AR: variants seen among roughly 807,000 people sequenced by gnomAD.
The protein encoded by AR is dihydrotestosterone receptor.
AR carries 8 observed loss-of-function variants against 53.9 expected under a neutral mutation model. The observed-to-expected ratio is 0.15, with a 90% CI of 0.09 to 0.27. The LOEUF is 0.27. AR is among the 10% of genes least tolerant of loss of function. The pLI, the probability that AR is intolerant of heterozygous loss-of-function variation, is 1.00. For synonymous variants in AR, 359 were observed against 316.4 expected (o/e 1.13, Z -1.43); for missense variants, 639 against 742.5 (o/e 0.86, Z 1.62).
intron 1 of AR, among the ~76,000 whole-genome samples, chrX:67,606,748 C>T (rs1486377288): frequency 1.8e-5 from 2 of 112,141 alleles, no homozygotes; most frequent in Non-Finnish European, 3.8e-5. Flanking sequence ...GGATCATAAG[C>T]AGAGGTTTAT....
At chrX:67,716,357 A>G (rs1045737569) in intron 4 of AR, among the ~76,000 whole-genome samples, 2 of 112,200 alleles carry the variant, frequency 1.8e-5, no homozygotes, top group African/African-American at 6.5e-5. Flanking sequence ...GAGTTGGGAA[A>G]GCCTTCACAG....
At chrX:67,648,358 T>C (rs1235593033) in intron 2 of AR, among the ~76,000 whole-genome samples, 1 of 111,532 alleles carries the variant, frequency 9.0e-6, no homozygotes, top group African/African-American at 3.3e-5. Flanking sequence ...TATATATGAA[T>C]GAACTTTTCT....
At chrX:67,622,528 G>C (rs752899977) in intron 1 of AR, among the ~76,000 whole-genome samples, 1 of 111,787 alleles carries the variant, frequency 8.9e-6, no homozygotes, top group Non-Finnish European at 1.9e-5. Context: ...GGTGATGTAA[G>C]CTACAGAAAA....
chrX:67,673,043 GTT>G (rs72492037), intron 2 of AR, among the ~76,000 whole-genome samples: 181 of 97,138 alleles, frequency 1.9e-3, no homozygotes, highest in African/African-American at 6.5e-3. Flanking sequence ...TAGGGTAAAA[GTT>G]TTTTTTTTTT....
At chrX:67,627,966 T>G (rs1162233008) in intron 1 of AR, among the ~76,000 whole-genome samples, 1 of 111,743 alleles carries the variant, frequency 8.9e-6, no homozygotes, top group Non-Finnish European at 1.9e-5. Flanking sequence ...GCATTATTTC[T>G]GAGGGCTCTG....
chrX:67,599,134 C>T (rs1202252059), intron 1 of AR, among the ~76,000 whole-genome samples: 1 of 112,019 alleles, frequency 8.9e-6, no homozygotes, highest in Non-Finnish European at 1.9e-5. Flanking sequence ...TGTGGCATTA[C>T]TTGCTCCTGT....
At chrX:67,656,951 C>CT (rs1926620742) in intron 2 of AR, among the ~76,000 whole-genome samples, 1 of 109,569 alleles carries the variant, frequency 9.1e-6, no homozygotes, top group African/African-American at 3.3e-5. Flanking sequence ...TTAAATACTG[C>CT]TGTGATAAGT....
intron 2 of AR, among the ~76,000 whole-genome samples, chrX:67,657,475 T>G (rs145649034): frequency 0.058 from 6,439 of 111,386 alleles, 472 homozygotes; most frequent in African/African-American, 0.2. Context: ...ACTTCCTGCT[T>G]TATCTTTCAG....
intron 1 of AR, among the ~76,000 whole-genome samples, chrX:67,614,886 A>G (rs1478616658): frequency 1.8e-5 from 2 of 111,048 alleles, no homozygotes; most frequent in Non-Finnish European, 3.8e-5. Flanking sequence ...GCCAATAAAG[A>G]GATAGAAGTT....
intron 3 of AR, among the ~76,000 whole-genome samples, chrX:67,707,973 C>A (rs997591559): frequency 8.9e-6 from 1 of 112,180 alleles, no homozygotes; most frequent in Non-Finnish European, 1.9e-5. Context: ...TATTGGCCCC[C>A]ACTCTCTTCT....
At chrX:67,658,276 C>T (rs1259032264) in intron 2 of AR, among the ~76,000 whole-genome samples, 2 of 111,778 alleles carry the variant, frequency 1.8e-5, no homozygotes, top group Non-Finnish European at 3.8e-5. Context: ...ATGAAAGCTG[C>T]AGGCTTTGAG....
intron 2 of AR, among the ~76,000 whole-genome samples, chrX:67,681,922 G>C (rs1042040648): frequency 8.9e-6 from 1 of 112,208 alleles, no homozygotes; most frequent in African/African-American, 3.2e-5. Flanking sequence ...AGAATGCAAG[G>C]ATGGTTCAAC....
chrX:67,573,530 C>T lies in AR; in HGVS notation c.1616+26768C>T, dbSNP rs1275017360. ...TGCACTGACTGACTTCTGAAAGTCCCCCCTAACCCTTCAAATCTCAGGGTC... is the reference window on the plus strand; with the variant it reads ...TGCACTGACTGACTTCTGAAAGTCCTCCCTAACCCTTCAAATCTCAGGGTC... On this transcript the variant is annotated intron_variant, in intron 1 of 7. Coordinates refer to ENST00000374690, the MANE Select transcript of AR (RefSeq NM_000044.6). Among the ~76,000 whole-genome samples the T allele has an allele frequency of 3.6e-5, 4 of 111,409 alleles. No homozygotes were observed. In the East Asian group the frequency reaches 1.1e-3, roughly 32 times the overall value.
intron 2 of AR, among the ~76,000 whole-genome samples, chrX:67,680,195 T>G (rs928973657): frequency 8.9e-6 from 1 of 112,252 alleles, no homozygotes; most frequent in Non-Finnish European, 1.9e-5. Context: ...ATATTCCATA[T>G]ACTGTGTCTG....
chrX:67,646,396 T>C (rs1205306382), intron 2 of AR, among the ~76,000 whole-genome samples: 1 of 111,149 alleles, frequency 9.0e-6, no homozygotes, highest in Non-Finnish European at 1.9e-5. Context: ...AAAATAATGC[T>C]ACTAAGCCAT....
At chrX:67,660,212 G>C (rs60526593) in intron 2 of AR, among the ~76,000 whole-genome samples, 24 of 112,152 alleles carry the variant, frequency 2.1e-4, no homozygotes, top group African/African-American at 7.1e-4. Context: ...AAGTTCTTTA[G>C]TTGAATTAGA....
At chrX:67,707,782 G>T (rs949140418) in intron 3 of AR, among the ~76,000 whole-genome samples, 1 of 111,838 alleles carries the variant, frequency 8.9e-6, no homozygotes, top group East Asian at 2.8e-4. Context: ...GGCTGGTACC[G>T]GTTGTTCCTT....
chrX:67,648,580 G>T (rs1417129329), intron 2 of AR, among the ~76,000 whole-genome samples: 1 of 111,726 alleles, frequency 9.0e-6, no homozygotes, highest in Non-Finnish European at 1.9e-5. Context: ...CCACAGGCTT[G>T]CAGAAGAAAT....
At chrX:67,609,295 T>G (rs757612354) in intron 1 of AR, among the ~76,000 whole-genome samples, 2 of 111,508 alleles carry the variant, frequency 1.8e-5, no homozygotes, top group South Asian at 7.4e-4. Context: ...ATGAGAAGAT[T>G]TTTTGGAACC....
Sources: allele counts gnomAD v4.1 joint callset (sites outside exome capture counted in the v4.1 genomes callset), GRCh38; gene constraint gnomAD v4.1.1; transcripts MANE v1.5; gene names NCBI Gene and HGNC (gene_info 2026-07-23, HGNC 2026-07-21).